KSR2: variants seen among roughly 807,000 people sequenced by gnomAD.
The protein encoded by KSR2 is kinase suppressor of ras 2.
In KSR2, 25 loss-of-function variants were observed where a neutral mutation model predicts 107.8. The observed-to-expected ratio is 0.23, with a 90% CI of 0.17 to 0.32. The LOEUF is 0.32. Ranked by LOEUF, KSR2 falls within the 10% of genes least tolerant of loss-of-function variation. The pLI, the probability that KSR2 is intolerant of heterozygous loss-of-function variation, is 1.00. For missense variants in KSR2, 887 were observed against 1,268.9 expected, an observed-to-expected ratio of 0.70 and a Z score of 4.57; for synonymous variants, 480 against 507.0, an observed-to-expected ratio of 0.95 and a Z score of 0.71.
intron 3 of KSR2, among the ~76,000 whole-genome samples, chr12:117,829,024 C>T (rs183373701): frequency 6.6e-6 from 1 of 152,288 alleles, no homozygotes; most frequent in Admixed American, 6.5e-5. Flanking sequence ...TGGGGTAACT[C>T]CAGTATGATG....
chr12:117,851,923 T>C (rs1025270788), intron 3 of KSR2, among the ~76,000 whole-genome samples: 3 of 151,420 alleles, frequency 2.0e-5, no homozygotes, highest in African/African-American at 7.3e-5. Flanking sequence ...ATTACTAGCA[T>C]CTACTAAATG....
intron 7 of KSR2, among the ~76,000 whole-genome samples, chr12:117,569,461 C>T (rs1235517737): frequency 6.6e-6 from 1 of 152,220 alleles, no homozygotes; most frequent in African/African-American, 2.4e-5. Context: ...GCCATGAAAA[C>T]ACCACTGAAA....
At chr12:117,707,606 G>A (rs560296532) in intron 4 of KSR2, among the ~76,000 whole-genome samples, 3 of 152,252 alleles carry the variant, frequency 2.0e-5, no homozygotes, top group Admixed American at 6.5e-5. Flanking sequence ...ATTTTGGCAT[G>A]TGGGTTGTGC....
chr12:117,798,563 G>C lies in KSR2; in HGVS notation c.473-37039C>G, dbSNP rs142395230. Among the ~76,000 whole-genome samples the C allele has an allele frequency of 5.7e-3, 874 of 152,176 alleles. 6 individuals carry two copies. Among genetic ancestry groups the C allele is most frequent in the African/African-American group, 0.019 (806 of 41,518 alleles). On this transcript the variant is annotated intron_variant, in intron 3 of 19. Coordinates refer to ENST00000339824, the MANE Select transcript of KSR2 (RefSeq NM_173598.6). ...CAGGAGAATCACTTGAAACTGGGAGGTGGAGGTTGCAGTAGGCTTAGATCG... is the reference window on the plus strand; with the variant it reads ...CAGGAGAATCACTTGAAACTGGGAGCTGGAGGTTGCAGTAGGCTTAGATCG...
At chr12:117,910,030 C>A (rs1019469159) in intron 1 of KSR2, among the ~76,000 whole-genome samples, 5 of 152,000 alleles carry the variant, frequency 3.3e-5, no homozygotes, top group African/African-American at 1.2e-4. Flanking sequence ...GAGTTCGAAA[C>A]CAACCTGGGC....
chr12:117,927,629 G>A (rs1411770770), intron 1 of KSR2, among the ~76,000 whole-genome samples: 1 of 151,666 alleles, frequency 6.6e-6, no homozygotes, highest in Non-Finnish European at 1.5e-5. Flanking sequence ...AGGGACAGAG[G>A]TTGCAGTGAG....
At chr12:117,618,026 G>A (rs1206784079) in intron 5 of KSR2, among the ~76,000 whole-genome samples, 1 of 152,148 alleles carries the variant, frequency 6.6e-6, no homozygotes. Flanking sequence ...TTTCAGTCAT[G>A]TCATTTTATG....
intron 1 of KSR2, among the ~76,000 whole-genome samples, chr12:117,956,203 T>C (rs7313918): frequency 0.15 from 20,525 of 137,660 alleles, 1,571 homozygotes; most frequent in East Asian, 0.26. Context: ...TGAGCCGAGA[T>C]TGAGCCACTG....
chr12:117,567,440 G>A (rs1035553941), intron 7 of KSR2, among the ~76,000 whole-genome samples: 7 of 151,906 alleles, frequency 4.6e-5, no homozygotes, highest in Admixed American at 2.0e-4. Flanking sequence ...CATGGCGCGC[G>A]GTCTCGTCAT....
chr12:117,623,971 T>C (rs1467547000), intron 5 of KSR2, among the ~76,000 whole-genome samples: 1 of 152,260 alleles, frequency 6.6e-6, no homozygotes, highest in Admixed American at 6.5e-5. Context: ...TGCATTTCTC[T>C]GATGGCCAGT....
rs568727002 is a variant in KSR2, at chr12:117,640,732, C to G, written c.1171+26742G>C. Among the ~76,000 whole-genome samples the G allele has an allele frequency of 5.9e-5, 9 of 152,290 alleles. No homozygotes were observed. In the South Asian group the frequency reaches 8.3e-4, roughly 14 times the overall value. Reference sequence around the variant, plus strand: ...CCGTGGACAGCACGTCCAGATACCCCTCCATGGCAAACAGCCGCCCAGAGC... The same window carrying G: ...CCGTGGACAGCACGTCCAGATACCCGTCCATGGCAAACAGCCGCCCAGAGC... On this transcript the variant is annotated intron_variant, in intron 5 of 19. Coordinates refer to ENST00000339824, the MANE Select transcript of KSR2 (RefSeq NM_173598.6).
intron 3 of KSR2, 23 bp downstream of exon 3, chr12:117,855,405 C>G: frequency 6.2e-7 from 1 of 1,613,902 alleles, no homozygotes; most frequent in Non-Finnish European, 8.5e-7. Flanking sequence ...GTCTCCACAT[C>G]CCCGACCCCG....
chr12:117,756,108 G>A (rs1888780119), intron 4 of KSR2, among the ~76,000 whole-genome samples: 1 of 152,240 alleles, frequency 6.6e-6, no homozygotes, highest in Non-Finnish European at 1.5e-5. Flanking sequence ...TAAAAGTACA[G>A]TGAAGCAGGA....
intron 3 of KSR2, among the ~76,000 whole-genome samples, chr12:117,811,740 T>C (rs949285402): frequency 6.6e-6 from 1 of 152,242 alleles, no homozygotes; most frequent in Admixed American, 6.5e-5. Flanking sequence ...CAGTGAAAGA[T>C]AATACCAGTT....
chr12:117,834,260 G>T (rs1054188421), intron 3 of KSR2, among the ~76,000 whole-genome samples: 6 of 152,016 alleles, frequency 3.9e-5, no homozygotes, highest in Non-Finnish European at 8.8e-5. Flanking sequence ...TCCACCCTCT[G>T]GTCAGTGGTA....
chr12:117,890,067 G>A (rs1057429699), intron 1 of KSR2, among the ~76,000 whole-genome samples: 2 of 152,196 alleles, frequency 1.3e-5, no homozygotes, highest in African/African-American at 4.8e-5. Context: ...CAGTAGGTCT[G>A]GGGAACCATC....
At chr12:117,796,411 C>G (rs979192395) in intron 3 of KSR2, among the ~76,000 whole-genome samples, 1 of 152,270 alleles carries the variant, frequency 6.6e-6, no homozygotes, top group Non-Finnish European at 1.5e-5. Flanking sequence ...GGTAAAAAAA[C>G]AAGTTGTCAT....
chr12:117,751,633 AC>A (rs1888615039), intron 4 of KSR2, among the ~76,000 whole-genome samples: 1 of 152,170 alleles, frequency 6.6e-6, no homozygotes, highest in African/African-American at 2.4e-5. Flanking sequence ...CCCTGCAGAC[AC>A]CCTGGCAGCC....
At chr12:117,963,379 C>T (rs1189247353) in intron 1 of KSR2, among the ~76,000 whole-genome samples, 1 of 152,098 alleles carries the variant, frequency 6.6e-6, no homozygotes, top group Non-Finnish European at 1.5e-5. Context: ...GCAGGCGAAT[C>T]ACTTGAGCCC....
Sources: gnomAD v4.1 joint callset for allele counts (sites outside exome capture counted in the v4.1 genomes callset) on GRCh38, gnomAD v4.1.1 for gene constraint, MANE v1.5 for transcripts, NCBI Gene and HGNC (gene_info 2026-07-23, HGNC 2026-07-21) for gene names.